Variants in PI15 observed in about 807,000 individuals in gnomAD.
PI15 encodes 25 kDa trypsin inhibitor.
In PI15, 18 loss-of-function variants were observed where a neutral mutation model predicts 31.0. That is an observed-to-expected ratio of 0.58 (90% CI 0.40 to 0.86). PI15 has a LOEUF of 0.86. Ranked by LOEUF, PI15 falls within the 40% of genes least tolerant of loss-of-function variation. The pLI, the probability that PI15 is intolerant of heterozygous loss-of-function variation, is 0.00. For synonymous variants in PI15, 118 were observed against 119.1 expected (o/e 0.99, Z 0.06); for missense variants, 282 against 328.1 (o/e 0.86, Z 1.09).
intron 2 of PI15, among the ~76,000 whole-genome samples, chr8:74,828,638 T>C (rs1196447167): frequency 6.6e-6 from 1 of 152,142 alleles, no homozygotes; most frequent in Non-Finnish European, 1.5e-5. Context: ...ACCTGTTCTA[T>C]GTACCTCAGA....
At chr8:74,836,818 G>C (rs931972440) in intron 2 of PI15, among the ~76,000 whole-genome samples, 1 of 152,118 alleles carries the variant, frequency 6.6e-6, no homozygotes, top group Non-Finnish European at 1.5e-5. Flanking sequence ...CTTGGGTGGA[G>C]TGGGGATGGG....
chr8:74,825,283 C>G lies in PI15; in HGVS notation c.34C>G (p.Leu12Val). 1.9e-6 allele frequency: 3 copies of G among 1,613,516 alleles called. No individual in the cohort carries two copies. Among genetic ancestry groups the G allele is most frequent in the Non-Finnish European group, 2.5e-6 (3 of 1,179,574 alleles). ...IAISAVSSAL[L>V]FSLLCEASTV... is the part of the protein sequence containing the mutation. ...AATCTCTGCCGTCAGCAGTGCACTC[C>G]TGTTCTCCCTTCTCTGTGAAGCAAG... The change falls in exon 2 of 6, where the codon CTG becomes GTG. Residue 12 changes from leucine (L) to valine (V), a missense_variant. Coordinates refer to ENST00000260113, the MANE Select transcript of PI15 (RefSeq NM_015886.5).
chr8:74,837,079 GATAA>G (rs1422376123), intron 2 of PI15, among the ~76,000 whole-genome samples: 1 of 152,046 alleles, frequency 6.6e-6, no homozygotes, highest in African/African-American at 2.4e-5. Flanking sequence ...TCTCTTTATA[GATAA>G]ATAAATTTAC....
At chr8:74,826,851 A>T (rs1810707282) in intron 2 of PI15, among the ~76,000 whole-genome samples, 1 of 152,084 alleles carries the variant, frequency 6.6e-6, no homozygotes, top group Non-Finnish European at 1.5e-5. Flanking sequence ...TAGATGTTCA[A>T]CAAACATTAG....
At position 74,845,524 on chromosome 8, in the gene PI15, C is replaced by T. The variant is rs1243364955; in HGVS notation, c.641+27C>T. Reference sequence around the variant, plus strand: ...TAAGTACCAGGTTGGATTCTATTTCCTGGATCCTTTAAAGACGTTAAATAT... The same window carrying T: ...TAAGTACCAGGTTGGATTCTATTTCTTGGATCCTTTAAAGACGTTAAATAT... On this transcript the variant is annotated intron_variant, in intron 5 of 5. Coordinates refer to ENST00000260113, the MANE Select transcript of PI15 (RefSeq NM_015886.5). 2.8e-6 allele frequency: 4 copies of T among 1,412,348 alleles called. No homozygotes were observed. The South Asian group carries it at 4.6e-5, about 16-fold the overall frequency. The allele number at this position is 1,412,348 out of a possible 1,614,324, so 87.5% of individuals were successfully genotyped here.
At chr8:74,826,556 T>C (rs1482838150) in intron 2 of PI15, among the ~76,000 whole-genome samples, 1 of 152,116 alleles carries the variant, frequency 6.6e-6, no homozygotes, top group East Asian at 1.9e-4. Flanking sequence ...AAGTACAATT[T>C]AGACTCTGTG....
chr8:74,851,048 T>C lies in PI15; in HGVS notation c.*1795T>C, dbSNP rs758233897. The C allele has an allele frequency of 6.5e-6, 1 of 152,708 alleles. No individual in the cohort carries two copies. The highest frequency in any genetic ancestry group is 2.1e-4 in the South Asian group (1 of 4,828). 9.5% of individuals were successfully genotyped at this position (152,708 alleles called of 1,614,324 possible). Reference sequence around the variant, plus strand: ...GGTAAAGAAACTCACCATCTGGAGATTGAGTCTACTTGTTAATGAATGACT... The same window carrying C: ...GGTAAAGAAACTCACCATCTGGAGACTGAGTCTACTTGTTAATGAATGACT... On this transcript the variant is annotated 3_prime_UTR_variant, in exon 6 of 6. Coordinates refer to ENST00000260113, the MANE Select transcript of PI15 (RefSeq NM_015886.5).
intron 2 of PI15, among the ~76,000 whole-genome samples, chr8:74,839,093 G>A (rs1337114218): frequency 3.9e-5 from 6 of 152,186 alleles, no homozygotes; most frequent in Non-Finnish European, 7.3e-5. Context: ...TGAACTTGAT[G>A]AGAATCCTAC....
At chr8:74,843,402 T>C (rs1165695616) in intron 2 of PI15, among the ~76,000 whole-genome samples, 1 of 152,214 alleles carries the variant, frequency 6.6e-6, no homozygotes, top group Non-Finnish European at 1.5e-5. Context: ...TGCTTTCTTT[T>C]AGTTATAGCA....
At chr8:74,836,371 G>T (rs997477512) in intron 2 of PI15, among the ~76,000 whole-genome samples, 6 of 152,142 alleles carry the variant, frequency 3.9e-5, no homozygotes, top group African/African-American at 1.4e-4. Context: ...TGGAGGAATG[G>T]GGGTAAGGTT....
In PI15 at chr8:74,849,123, A is replaced by G. The variant is rs1172696300; in HGVS notation, c.647A>G (p.Asn216Ser). Reference sequence around the variant, plus strand: ...TTTTTTGTTTTCCCTTCTAGGGGCAATTGGATTGGAGAAGCACCATATAAA... The same window carrying G: ...TTTTTTGTTTTCCCTTCTAGGGGCAGTTGGATTGGAGAAGCACCATATAAA... ...YLVCNYAPKG[N>S]WIGEAPYKVG... is the part of the protein sequence containing the mutation. Residue 216 changes from asparagine to serine, a missense_variant, in exon 6 of 6, where the codon AAT becomes AGT. Transcript: ENST00000260113. 1 of 1,610,828 alleles carries G rather than the reference A, an allele frequency of 6.2e-7. No individual in the cohort carries two copies. Among genetic ancestry groups the G allele is most frequent in the Non-Finnish European group, 8.5e-7 (1 of 1,178,918 alleles).
At chr8:74,829,578 T>C (rs1186315049) in intron 2 of PI15, among the ~76,000 whole-genome samples, 1 of 152,098 alleles carries the variant, frequency 6.6e-6, no homozygotes, top group Non-Finnish European at 1.5e-5. Context: ...TTTGAAAAAC[T>C]TTGAGGTCCC....
chr8:74,835,401 C>T lies in PI15; in HGVS notation c.274-8580C>T, dbSNP rs193121735. ...TAGACATCTGCCTTCTCAAAAGTTC[C>T]CTGGGAGATTCTAGAGTTATTTCCC... On this transcript the variant is annotated intron_variant, in intron 2 of 5. Transcript: ENST00000260113. Among the ~76,000 whole-genome samples, 542 of 152,148 alleles carry T rather than the reference C, an allele frequency of 3.6e-3. 2 individuals carry two copies. Among genetic ancestry groups the T allele is most frequent in the African/African-American group, 0.013 (529 of 41,524 alleles).
At position 74,849,238 on chromosome 8, in the gene PI15, G is replaced by A. The variant is rs1335209166; in HGVS notation, c.762G>A (p.Leu254=). The change falls in exon 6 of 6, where the codon CTG becomes CTA. Residue 254 remains leucine, a synonymous_variant. Transcript: ENST00000260113. ...LCFPGVTSNY[L]YWFK ...TTCCAGGAGTTACGTCAAACTACCT[G>A]TACTGGTTTAAATAAGTTTACCTTT... 1.9e-6 allele frequency: 3 copies of A among 1,612,060 alleles called. No homozygotes were observed. The highest frequency in any genetic ancestry group is 1.3e-5 in the African/African-American group (1 of 74,792).
At chr8:74,834,806 A>G (rs1407836015) in intron 2 of PI15, among the ~76,000 whole-genome samples, 2 of 152,146 alleles carry the variant, frequency 1.3e-5, no homozygotes, top group African/African-American at 4.8e-5. Flanking sequence ...TTTATGTGAC[A>G]AATTACTCTC....
At position 74,852,728 on chromosome 8, in the gene PI15, A is replaced by G. The variant is rs1811125428; in HGVS notation, c.*3475A>G. ...TTATCTGCATAATTAAATCTAATACATATTTAAGCCAGTTTAAGTGCTTTG... is the reference window on the plus strand; with the variant it reads ...TTATCTGCATAATTAAATCTAATACGTATTTAAGCCAGTTTAAGTGCTTTG... On this transcript the variant is annotated 3_prime_UTR_variant, in exon 6 of 6. Coordinates refer to ENST00000260113, the MANE Select transcript of PI15 (RefSeq NM_015886.5). The G allele has an allele frequency of 6.6e-6, 1 of 152,138 alleles. No homozygotes were observed. Among genetic ancestry groups the G allele is most frequent in the Non-Finnish European group, 1.5e-5 (1 of 67,974 alleles). The allele number at this position is 152,138 out of a possible 1,614,324, so 9.4% of individuals were successfully genotyped here. A position where few individuals can be genotyped will look rare whatever the true frequency, so the allele number is the denominator to read the frequency against.
At chr8:74,837,042 C>T (rs1810882497) in intron 2 of PI15, among the ~76,000 whole-genome samples, 1 of 151,966 alleles carries the variant, frequency 6.6e-6, no homozygotes, top group South Asian at 2.1e-4. Context: ...CAGTTCAGAG[C>T]CCCTAAAAAT....
intron 2 of PI15, among the ~76,000 whole-genome samples, chr8:74,832,233 G>A (rs945027348): frequency 6.6e-6 from 1 of 152,128 alleles, no homozygotes; most frequent in Non-Finnish European, 1.5e-5. Context: ...TTTTTGACAA[G>A]GACAATTAAG....
intron 2 of PI15, among the ~76,000 whole-genome samples, chr8:74,830,744 C>A (rs1051497074): frequency 6.6e-6 from 1 of 152,006 alleles, no homozygotes; most frequent in Admixed American, 6.6e-5. Context: ...TCCCACAAGG[C>A]GCATTTCCTC....
Sources: allele counts gnomAD v4.1 joint callset (sites outside exome capture counted in the v4.1 genomes callset), GRCh38; gene constraint gnomAD v4.1.1; transcripts MANE v1.5; gene names NCBI Gene and HGNC (gene_info 2026-07-23, HGNC 2026-07-21).